The following ALG12 variants were observed in gnomAD, a reference collection of about 807,000 sequenced individuals.
ALG12 encodes the protein dol-P-Man:Man(7)GlcNAc(2)-PP-Dol alpha-1,6-mannosyltransferase.
Under a neutral mutation model 46.0 loss-of-function variants are expected in ALG12, and 36 were observed. That is an observed-to-expected ratio of 0.78 (90% CI 0.60 to 1.03). The LOEUF (loss-of-function observed/expected upper bound fraction) is 1.03. Ranked by LOEUF, ALG12 falls within the 50% of genes least tolerant of loss-of-function variation. The pLI is 0.00. For synonymous variants in ALG12, 326 were observed against 291.6 expected (o/e 1.12, Z -1.20); for missense variants, 599 against 633.5 (o/e 0.95, Z 0.58).
At chr22:49,870,810 T>C in the ALG12 span, among the ~76,000 whole-genome samples, 1 of 152,198 alleles carries the variant, frequency 6.6e-6, no homozygotes, top group Admixed American at 6.5e-5. Flanking sequence ...TAGTTTCAGC[T>C]ATGCAGAGGC....
At chr22:49,884,617 G>A in the ALG12 span, 1 of 1,612,568 alleles carries the variant, frequency 6.2e-7, no homozygotes, top group Non-Finnish European at 8.5e-7. Context: ...GGGGAAGAAT[G>A]GGAAGGACCT....
the ALG12 span, among the ~76,000 whole-genome samples, chr22:49,865,478 G>A: frequency 4.6e-5 from 7 of 151,378 alleles, no homozygotes; most frequent in South Asian, 2.1e-4. Flanking sequence ...GTGAAACCCC[G>A]TCTCTATTAA....
chr22:49,883,508 TCAGTAC>T, the ALG12 span: 1 of 1,073,130 alleles, frequency 9.3e-7, no homozygotes, highest in Non-Finnish European at 1.3e-6. Flanking sequence ...ATTCTTTTTT[TCAGTAC>T]TATTTATGAT....
chr22:49,886,274 C>A, the ALG12 span: 1 of 1,365,632 alleles, frequency 7.3e-7, no homozygotes, highest in Non-Finnish European at 1.0e-6. This position sits in a 1 kb window ranked among gnomAD's most constrained non-coding sequence, Gnocchi z 7.7. Flanking sequence ...GAGAAACTGG[C>A]CGAGCTGCAG....
chr22:49,885,200 A>C, the ALG12 span: 1 of 1,614,010 alleles, frequency 6.2e-7, no homozygotes, highest in Non-Finnish European at 8.5e-7. Context: ...GGGAGCCAGA[A>C]GGGCTTCCTG....
chr22:49,886,884 A>G, the ALG12 span: 4 of 1,614,012 alleles, frequency 2.5e-6, no homozygotes, highest in African/African-American at 2.7e-5. The surrounding 1 kb of genome is among the most constrained non-coding windows in gnomAD (Gnocchi z 7.7). Context: ...TGAAGAAGAA[A>G]GACCCAAGAG....
At position 49,901,652 on chromosome 22, in the gene ALG12, TCATG is replaced by T. The variant is rs1055283900; in HGVS notation, c.*2182_*2185del. The T allele has an allele frequency of 2.0e-5, 3 of 148,056 alleles. No homozygotes were observed. Among genetic ancestry groups the T allele is most frequent in the Non-Finnish European group, 4.5e-5 (3 of 66,648 alleles). 9.2% of individuals were successfully genotyped at this position (148,056 alleles called of 1,614,324 possible). On this transcript the variant is annotated 3_prime_UTR_variant, in exon 10 of 10. Coordinates refer to ENST00000330817, the MANE Select transcript of ALG12 (RefSeq NM_024105.4). Reference sequence around the variant, plus strand: ...GTATGTATGGTGTGTGCACGTGTGATCATGCATGTATGGTGTGTATGCATGGTGT... The same window carrying T: ...GTATGTATGGTGTGTGCACGTGTGATCATGTATGGTGTGTATGCATGGTGT...
chr22:49,898,626 G>A (rs568965764), downstream of ALG12, among the ~76,000 whole-genome samples: 22 of 152,244 alleles, frequency 1.4e-4, no homozygotes, highest in African/African-American at 5.1e-4. Context: ...CTGAACTCAG[G>A]TGATCCACTG....
At chr22:49,914,924 T>A (rs1427485156) in intron 1 of ALG12, among the ~76,000 whole-genome samples, 1 of 152,234 alleles carries the variant, frequency 6.6e-6, no homozygotes, top group East Asian at 1.9e-4. Context: ...AGACAGGGTC[T>A]TGCTTTGTAG....
At chr22:49,864,147 C>T in the ALG12 span, among the ~76,000 whole-genome samples, 2 of 152,216 alleles carry the variant, frequency 1.3e-5, no homozygotes, top group Admixed American at 1.3e-4. Flanking sequence ...TAGGCCTCTG[C>T]TGGAGTGTGT....
the ALG12 span, chr22:49,884,807 A>G: frequency 1.6e-5 from 25 of 1,610,100 alleles, no homozygotes; most frequent in Middle Eastern, 8.3e-4. Context: ...CCGGTCAGAG[A>G]GTCCCCTTCG....
At chr22:49,915,649 A>G (rs1051768035) in intron 1 of ALG12, among the ~76,000 whole-genome samples, 1 of 152,198 alleles carries the variant, frequency 6.6e-6, no homozygotes, top group African/African-American at 2.4e-5. Flanking sequence ...GGAATCACTA[A>G]CTGAGGGAGG....
the ALG12 span, chr22:49,887,022 A>G: frequency 6.2e-7 from 1 of 1,614,114 alleles, no homozygotes; most frequent in Non-Finnish European, 8.5e-7. Context: ...TGGCCGTCAG[A>G]TTTTTGGGCT....
Position 49,903,856 on chromosome 22 carries a change from CCT to C in ALG12, c.1447_1448del (p.Arg483AlafsTer201), listed in dbSNP as rs2060527665. ...GTCCCCCTCAGGACGGCCGGGGGAG[CCT>C]CTCCAGAAGCACCAGCTTTGTCTGC... ...HLQTKLVLLE[R>X]LPRPS On this transcript the variant is annotated frameshift_variant, in exon 10 of 10. Coordinates refer to ENST00000330817, the MANE Select transcript of ALG12 (RefSeq NM_024105.4). LOFTEE classifies it high-confidence loss of function. The C allele has an allele frequency of 3.1e-6, 5 of 1,614,104 alleles. No homozygotes were observed. The highest frequency in any genetic ancestry group is 4.2e-6 in the Non-Finnish European group (5 of 1,180,038).
the ALG12 span, among the ~76,000 whole-genome samples, chr22:49,870,820 C>G: frequency 1.3e-5 from 2 of 152,060 alleles, no homozygotes; most frequent in Non-Finnish European, 2.9e-5. Context: ...TATGCAGAGG[C>G]TCTTTAGTTA....
the ALG12 span, among the ~76,000 whole-genome samples, chr22:49,882,240 T>C: frequency 6.6e-6 from 1 of 152,212 alleles, no homozygotes; most frequent in Non-Finnish European, 1.5e-5. Context: ...CTTTCTGGCA[T>C]GCCCAGTAAT....
chr22:49,893,969 G>A, the ALG12 span, among the ~76,000 whole-genome samples: 2 of 152,162 alleles, frequency 1.3e-5, no homozygotes, highest in East Asian at 3.8e-4. Flanking sequence ...TTTGAGACCA[G>A]CCTGGCCAAC....
At position 49,903,381 on chromosome 22, in the gene ALG12, T is replaced by C. The variant is rs552826588; in HGVS notation, c.*457A>G. On this transcript the variant is annotated 3_prime_UTR_variant, in exon 10 of 10. Coordinates refer to ENST00000330817, the MANE Select transcript of ALG12 (RefSeq NM_024105.4). ...GGGGGTGCGGCCGGGGCCACCATGG[T>C]CTCCCCTGAGAGGGGGTGCTGTCTT... 103 of 456,308 alleles carry C rather than the reference T, an allele frequency of 2.3e-4. 4 individuals are homozygous for C. The highest frequency in any genetic ancestry group is 1.6e-3 in the South Asian group (102 of 64,258). The allele number at this position is 456,308 out of a possible 1,614,324, so 28.3% of individuals were successfully genotyped here.
chr22:49,914,138 G>A (rs1421928622), intron 1 of ALG12, among the ~76,000 whole-genome samples: 1 of 152,194 alleles, frequency 6.6e-6, no homozygotes, highest in Non-Finnish European at 1.5e-5. Flanking sequence ...ATGGAGGGTG[G>A]TAAATGGCCC....
Sources: allele counts gnomAD v4.1 joint callset (sites outside exome capture counted in the v4.1 genomes callset), GRCh38; gene constraint gnomAD v4.1.1; non-coding constraint Gnocchi (gnomAD v3.1); transcripts MANE v1.5; gene names NCBI Gene and HGNC (gene_info 2026-07-23, HGNC 2026-07-21).